The following CNTNAP2 variants were observed in gnomAD, a reference collection of about 807,000 sequenced individuals.
CNTNAP2 encodes contactin associated protein 2.
A neutral mutation model predicts 155.2 loss-of-function variants in CNTNAP2; 98 were observed. The ratio of observed to expected loss-of-function variants is 0.63; its 90% CI spans 0.54 to 0.75. The LOEUF (loss-of-function observed/expected upper bound fraction) is 0.75, where lower values mean the gene tolerates loss of function less well. CNTNAP2 is among the 30% of genes least tolerant of loss of function. The pLI, the probability that CNTNAP2 is intolerant of heterozygous loss-of-function variation, is 0.00. For missense variants in CNTNAP2, 1,727 were observed against 1,688.1 expected (o/e 1.02, Z -0.40); for synonymous variants, 651 against 631.2 (o/e 1.03, Z -0.47).
chr7:146,903,820 A>G (rs987097165), intron 3 of CNTNAP2, among the ~76,000 whole-genome samples: 1 of 152,212 alleles, frequency 6.6e-6, no homozygotes. Context: ...AGTGACTGCC[A>G]TTAGTAATAA....
intron 22 of CNTNAP2, among the ~76,000 whole-genome samples, chr7:148,402,213 A>T (rs1219615059): frequency 1.3e-5 from 2 of 152,206 alleles, no homozygotes; most frequent in African/African-American, 2.4e-5. Context: ...CCACTTTCTC[A>T]TTCCTTTAAG....
At chr7:146,705,628 C>T (rs1392395978) in intron 1 of CNTNAP2, among the ~76,000 whole-genome samples, 1 of 151,988 alleles carries the variant, frequency 6.6e-6, no homozygotes, top group East Asian at 1.9e-4. Context: ...GTCCACATGG[C>T]TGGGAGACCT....
At chr7:147,621,210 A>T (rs1794842250) in intron 12 of CNTNAP2, among the ~76,000 whole-genome samples, 1 of 152,142 alleles carries the variant, frequency 6.6e-6, no homozygotes, top group African/African-American at 2.4e-5. Context: ...TCAACACCAG[A>T]CCTGTCCTAT....
At chr7:146,777,694 G>T (rs1802414060) in intron 2 of CNTNAP2, among the ~76,000 whole-genome samples, 1 of 151,964 alleles carries the variant, frequency 6.6e-6, no homozygotes. Context: ...CACACAAGTA[G>T]CTGGGATTAC....
chr7:147,894,958 TTTCTTTC>T (rs1235797550), intron 13 of CNTNAP2, among the ~76,000 whole-genome samples: 1,835 of 78,474 alleles, frequency 0.023, 272 homozygotes, highest in African/African-American at 0.12. Flanking sequence ...TCTTTCTTTC[TTTCTTTC>T]TTTTTTTTTT....
At chr7:147,128,427 T>A (rs933440365) in intron 6 of CNTNAP2, among the ~76,000 whole-genome samples, 3 of 152,158 alleles carry the variant, frequency 2.0e-5, no homozygotes, top group East Asian at 3.9e-4. Context: ...TCAAGAAAAT[T>A]TATAAAATGC....
At chr7:148,187,632 G>A (rs1460575695) in intron 18 of CNTNAP2, among the ~76,000 whole-genome samples, 2 of 152,164 alleles carry the variant, frequency 1.3e-5, no homozygotes, top group Non-Finnish European at 2.9e-5. Flanking sequence ...AGCTCCAGCT[G>A]TTTCCTTGCT....
chr7:147,533,356 A>G (rs979499380), intron 11 of CNTNAP2, among the ~76,000 whole-genome samples: 2 of 152,108 alleles, frequency 1.3e-5, no homozygotes, highest in East Asian at 1.9e-4. Context: ...CCTTTTCTAA[A>G]CCTCATAAAT....
intron 7 of CNTNAP2, among the ~76,000 whole-genome samples, chr7:147,129,198 T>C (rs1382403253): frequency 2.0e-5 from 3 of 152,226 alleles, no homozygotes; most frequent in Non-Finnish European, 2.9e-5. Flanking sequence ...TACTTGCTTA[T>C]GGTTTAATTT....
At chr7:148,204,824 T>C (rs1295605494) in intron 18 of CNTNAP2, among the ~76,000 whole-genome samples, 2 of 152,150 alleles carry the variant, frequency 1.3e-5, no homozygotes, top group Non-Finnish European at 2.9e-5. Context: ...GTTCAGCAGA[T>C]TTGCATTTGA....
chr7:146,645,747 G>A (rs889031948), intron 1 of CNTNAP2, among the ~76,000 whole-genome samples: 1 of 151,902 alleles, frequency 6.6e-6, no homozygotes, highest in Non-Finnish European at 1.5e-5. Context: ...GATCTGTGGA[G>A]TCAGGTCTCA....
chr7:146,565,276 A>G (rs1376300753), intron 1 of CNTNAP2, among the ~76,000 whole-genome samples: 4 of 152,116 alleles, frequency 2.6e-5, no homozygotes, highest in Admixed American at 1.3e-4. Flanking sequence ...CTGAGTACAC[A>G]TTTTCAATTT....
chr7:148,045,949 A>G (rs1802766246), intron 15 of CNTNAP2, among the ~76,000 whole-genome samples: 1 of 152,256 alleles, frequency 6.6e-6, no homozygotes. Flanking sequence ...GGATATAATG[A>G]AAATAGTTTA....
chr7:146,447,210 G>C (rs1275918217), intron 1 of CNTNAP2, among the ~76,000 whole-genome samples: 2 of 152,004 alleles, frequency 1.3e-5, no homozygotes, highest in Non-Finnish European at 2.9e-5. Context: ...ATGCTGCTCT[G>C]TGCTTAACTT....
intron 8 of CNTNAP2, among the ~76,000 whole-genome samples, chr7:147,256,485 T>G (rs917597658): frequency 6.6e-6 from 1 of 152,080 alleles, no homozygotes; most frequent in Admixed American, 6.6e-5. Flanking sequence ...AGGAGCAGTA[T>G]GCAAGAGTAT....
intron 13 of CNTNAP2, among the ~76,000 whole-genome samples, chr7:147,756,999 A>C (rs1280811831): frequency 6.6e-6 from 1 of 152,220 alleles, no homozygotes; most frequent in East Asian, 1.9e-4. Flanking sequence ...GCATGAAAAC[A>C]AGTTATTAAA....
At chr7:148,212,747 G>A (rs1191650576) in intron 18 of CNTNAP2, among the ~76,000 whole-genome samples, 1 of 152,152 alleles carries the variant, frequency 6.6e-6, no homozygotes, top group African/African-American at 2.4e-5. Flanking sequence ...GCAGTACCCT[G>A]ATTTGGCATT....
chr7:146,509,494 A>C (rs1025176089), intron 1 of CNTNAP2, among the ~76,000 whole-genome samples: 1 of 152,120 alleles, frequency 6.6e-6, no homozygotes, highest in African/African-American at 2.4e-5. Context: ...GGGTATAGGC[A>C]GTGTATGACT....
chr7:148,119,011 G>A (rs1016443935), intron 16 of CNTNAP2, among the ~76,000 whole-genome samples: 3 of 152,160 alleles, frequency 2.0e-5, no homozygotes, highest in Admixed American at 6.5e-5. Flanking sequence ...TGCCCTACCT[G>A]GACCCTTTAA....
Sources: allele counts gnomAD v4.1 joint callset (sites outside exome capture counted in the v4.1 genomes callset), GRCh38; gene constraint gnomAD v4.1.1; transcripts MANE v1.5; gene names NCBI Gene and HGNC (gene_info 2026-07-23, HGNC 2026-07-21).